Variants in KLHL23 observed in about 807,000 individuals in gnomAD.
KLHL23 encodes kelch-like protein 23.
In KLHL23, 33 loss-of-function variants were observed where a neutral mutation model predicts 48.9. The observed-to-expected ratio is 0.67, with a 90% CI of 0.51 to 0.90. KLHL23 has a LOEUF of 0.90. Ranked by LOEUF, KLHL23 falls within the 40% of genes least tolerant of loss-of-function variation. KLHL23 has a pLI of 0.00. For synonymous variants in KLHL23, 234 were observed against 231.6 expected (o/e 1.01, Z -0.09); for missense variants, 608 against 669.6 (o/e 0.91, Z 1.02).
At position 169,749,913 on chromosome 2, in the gene KLHL23, T is replaced by TTATATATATATATATATATATATA. The variant is rs72113382; in HGVS notation, c.*199_*200insTATATATATATATATATATATATA. On this transcript the variant is annotated 3_prime_UTR_variant, in exon 4 of 4. Coordinates refer to ENST00000392647, the MANE Select transcript of KLHL23 (RefSeq NM_144711.6). The stretch of plus-strand genomic sequence containing the variant: ...TGGTGATTCATGGTCAAGAAAAATC[T>TTATATATATATATATATATATATA]TATATATATATATATATACACACAC... 2.9e-3 allele frequency: 623 copies of TTATATATATATATATATATATATA among 218,496 alleles called. 1 individual carries two copies. Among genetic ancestry groups the TTATATATATATATATATATATATA allele is most frequent in the African/African-American group, 3.5e-3 (80 of 22,782 alleles). 13.5% of individuals were successfully genotyped at this position (218,496 alleles called of 1,614,324 possible). A position where few individuals can be genotyped will look rare whatever the true frequency, so the allele number is the denominator to read the frequency against.
At position 169,735,433 on chromosome 2, in the gene KLHL23, T is replaced by G; in HGVS notation, c.419T>G (p.Ile140Ser). The G allele has an allele frequency of 1.9e-6, 3 of 1,613,956 alleles. No individual in the cohort carries two copies. The highest frequency in any genetic ancestry group is 2.5e-6 in the Non-Finnish European group (3 of 1,180,004). ...LVRHLDIDNC[I>S]GMHSFAEFHV... ...AGGCACTTGGATATTGATAATTGTA[T>G]TGGAATGCACTCCTTTGCAGAATTT... is the stretch of plus-strand genomic sequence containing the variant. Residue 140 changes from isoleucine to serine, a missense_variant, in exon 2 of 4, where the codon ATT becomes AGT. By Grantham distance (142) the Ile-to-Ser change is moderately radical. This residue lies in a region of KLHL23 where 419 missense variants were observed against 473.1 expected (regional missense o/e 0.89). Transcript: ENST00000392647. This position sits in a 1 kb window ranked among gnomAD's most constrained non-coding sequence, Gnocchi z 4.5.
rs939556706 is a variant in KLHL23, at chr2:169,747,541, A to G, written c.1367-1881A>G. Among the ~76,000 whole-genome samples the G allele has an allele frequency of 3.3e-5, 5 of 149,554 alleles. No individual in the cohort carries two copies. In the East Asian group the frequency reaches 5.9e-4, roughly 18 times the overall value. ...AGCCTTGAAGTCCTGGGCTCAAGCA[A>G]TCCTCCAGCCTCAGCCTCCCCAGTA... On this transcript the variant is annotated intron_variant, in intron 3 of 3. Coordinates refer to ENST00000392647, the MANE Select transcript of KLHL23 (RefSeq NM_144711.6).
intron 3 of KLHL23, among the ~76,000 whole-genome samples, chr2:169,744,950 T>G (rs1244170336): frequency 6.0e-5 from 9 of 150,220 alleles, no homozygotes; most frequent in East Asian, 3.9e-4. Context: ...TTTGTTTTTT[T>G]TTTTTTAAAG....
At chr2:169,734,176 G>T in intron 1 of KLHL23, 89 bp downstream of exon 1, 1 of 147,602 alleles carries the variant, frequency 6.8e-6, no homozygotes, top group South Asian at 1.8e-4. Context: ...CGCGGGCAGC[G>T]GGGCCGGGCG....
chr2:169,734,420 A>G (rs1373673508), intron 1 of KLHL23, among the ~76,000 whole-genome samples: 1 of 149,200 alleles, frequency 6.7e-6, no homozygotes, highest in Non-Finnish European at 1.5e-5. Context: ...GCCGGGGCCC[A>G]GGCGCGGGGC....
In KLHL23 at chr2:169,735,854, C is replaced by A. The variant is rs1688501120; in HGVS notation, c.840C>A (p.Gly280=). ...RSTATMYIIG[G]YYWHPLSEVH... The stretch of plus-strand genomic sequence containing the variant: ...CAGCCACAATGTATATAATTGGAGG[C>A]TATTACTGGCATCCTTTATCAGAGG... Residue 280 remains glycine (G), a synonymous_variant, in exon 2 of 4, where the codon GGC becomes GGA. Coordinates refer to ENST00000392647, the MANE Select transcript of KLHL23 (RefSeq NM_144711.6). The surrounding 1 kb of genome is among the most constrained non-coding windows in gnomAD (Gnocchi z 4.5). 1 of 1,614,052 alleles carries A rather than the reference C, an allele frequency of 6.2e-7. No individual in the cohort carries two copies. The highest frequency in any genetic ancestry group is 8.5e-7 in the Non-Finnish European group (1 of 1,180,036).
Position 169,749,381 on chromosome 2 carries a change from T to A in KLHL23, c.1367-41T>A, listed in dbSNP as rs772251353. ...ACTGTGGAATCTCTTTTGTTTGTTA[T>A]CCTTTAAAAAAATGCTGTTTTCTTT... On this transcript the variant is annotated intron_variant, in intron 3 of 3. Transcript: ENST00000392647. The A allele has an allele frequency of 6.0e-6, 9 of 1,507,294 alleles. No homozygotes were observed. In the East Asian group the frequency reaches 2.1e-4, roughly 35 times the overall value. The allele number at this position is 1,507,294 out of a possible 1,614,324, so 93.4% of individuals were successfully genotyped here. A position where few individuals can be genotyped will look rare whatever the true frequency, so the allele number is the denominator to read the frequency against.
chr2:169,735,385 A>C lies in KLHL23; in HGVS notation c.371A>C (p.Lys124Thr). 1 of 1,613,126 alleles carries C rather than the reference A, an allele frequency of 6.2e-7. No homozygotes were observed. Among genetic ancestry groups the C allele is most frequent in the Non-Finnish European group, 8.5e-7 (1 of 1,179,846 alleles). The stretch of plus-strand genomic sequence containing the variant: ...CTGCTACAGTTCCTTTCAGTAAAGA[A>C]GGCTTGTGAGCGGTTTTTGGTAAGG... Reference protein sequence around the residue: ...ADLLQFLSVKKACERFLVRHL... With the variant: ...ADLLQFLSVKTACERFLVRHL... The change falls in exon 2 of 4, where the codon AAG (lysine) becomes ACG (threonine). Residue 124 changes from lysine to threonine, a missense_variant. Transcript: ENST00000392647. The surrounding 1 kb of genome is among the most constrained non-coding windows in gnomAD (Gnocchi z 4.5).
intron 3 of KLHL23, among the ~76,000 whole-genome samples, chr2:169,747,605 A>G (rs1688826147): frequency 6.6e-6 from 1 of 151,908 alleles, no homozygotes; most frequent in African/African-American, 2.4e-5. Context: ...TTCATCTGGA[A>G]ATCGCATTTC....
At position 169,750,035 on chromosome 2, in the gene KLHL23, GTATA is replaced by G. The variant is rs1390931863; in HGVS notation, c.*308_*311del. ...TATACGTATGTATGTATACATATGT[GTATA>G]TATAGTATGTATGTATACATGTATG... On this transcript the variant is annotated 3_prime_UTR_variant, in exon 4 of 4. Coordinates refer to ENST00000392647, the MANE Select transcript of KLHL23 (RefSeq NM_144711.6). 7 of 34,228 alleles carry G rather than the reference GTATA, an allele frequency of 2.0e-4. 1 individual carries two copies. The highest frequency in any genetic ancestry group is 1.4e-3 in the Admixed American group (4 of 2,776). 2.1% of individuals were successfully genotyped at this position (34,228 alleles called of 1,614,324 possible).
intron 3 of KLHL23, among the ~76,000 whole-genome samples, chr2:169,742,357 T>C (rs1242514313): frequency 1.3e-5 from 2 of 152,218 alleles, no homozygotes; most frequent in Non-Finnish European, 2.9e-5. Context: ...GCACTTCATA[T>C]GTGTATTACC....
rs1688944232 is a variant in KLHL23 at position 169,750,294 on chromosome 2, A to T, written c.*562A>T. ...TTGGTAGCATCAACACTGGGGATAAATCAGAACCATTCTGTGGAATGAAAT... is the reference window on the plus strand; with the variant it reads ...TTGGTAGCATCAACACTGGGGATAATTCAGAACCATTCTGTGGAATGAAAT... On this transcript the variant is annotated 3_prime_UTR_variant, in exon 4 of 4. Coordinates refer to ENST00000392647, the MANE Select transcript of KLHL23 (RefSeq NM_144711.6). The T allele has an allele frequency of 6.5e-6, 1 of 153,020 alleles. No homozygotes were observed. The highest frequency in any genetic ancestry group is 2.1e-4 in the South Asian group (1 of 4,832). The allele number at this position is 153,020 out of a possible 1,614,324, so 9.5% of individuals were successfully genotyped here. A position where few individuals can be genotyped will look rare whatever the true frequency, so the allele number is the denominator to read the frequency against.
rs1688507823 is a variant in KLHL23 at position 169,736,114 on chromosome 2, T to G, written c.1100T>G (p.Leu367Trp). Residue 367 changes from leucine to tryptophan, a missense_variant, in exon 2 of 4, where the codon TTG (leucine) becomes TGG (tryptophan). Physicochemically the swap from Leu to Trp is moderately conservative, Grantham distance 61. Coordinates refer to ENST00000392647, the MANE Select transcript of KLHL23 (RefSeq NM_144711.6). ...NARYYHCAVT[L>W]GGCVYALGGY... The stretch of plus-strand genomic sequence containing the variant: ...AGGTATTACCACTGTGCAGTCACCT[T>G]GGGTGGCTGTGTCTATGCTTTAGGT... 1.2e-6 allele frequency: 2 copies of G among 1,614,190 alleles called. No homozygotes were observed. The highest frequency in any genetic ancestry group is 1.7e-6 in the Non-Finnish European group (2 of 1,180,026).
At position 169,750,068 on chromosome 2, in the gene KLHL23, A is replaced by ATATATACGTATGTATACATATATGTG. The variant is rs1688928876; in HGVS notation, c.*351_*352insACATATATGTGTATATACGTATGTAT. 6 of 161,214 alleles carry ATATATACGTATGTATACATATATGTG rather than the reference A, an allele frequency of 3.7e-5. 1 individual carries two copies. Among genetic ancestry groups the ATATATACGTATGTATACATATATGTG allele is most frequent in the African/African-American group, 1.5e-4 (6 of 40,338 alleles). The allele number at this position is 161,214 out of a possible 1,614,324, so 10.0% of individuals were successfully genotyped here. On this transcript the variant is annotated 3_prime_UTR_variant, in exon 4 of 4. Transcript: ENST00000392647. ...AGTATGTATGTATACATGTATGTGTATATATACGTATGTATGTATACATAT... is the reference window on the plus strand; with the variant it reads ...AGTATGTATGTATACATGTATGTGTATATATACGTATGTATACATATATGTGTATATACGTATGTATGTATACATAT...
chr2:169,750,017 A>ACG lies in KLHL23; in HGVS notation c.*285_*286insCG, dbSNP rs1688918807. ...TATACATATATGTGTATATATACGT[A>ACG]TGTATGTATACATATGTGTATATAT... On this transcript the variant is annotated 3_prime_UTR_variant, in exon 4 of 4. Transcript: ENST00000392647. 1 of 40,716 alleles carries ACG rather than the reference A, an allele frequency of 2.5e-5. No individual in the cohort carries two copies. Among genetic ancestry groups the ACG allele is most frequent in the Non-Finnish European group, 4.8e-5 (1 of 20,650 alleles). The allele number at this position is 40,716 out of a possible 1,614,324, so 2.5% of individuals were successfully genotyped here.
chr2:169,743,277 A>T (rs963946685), intron 3 of KLHL23, among the ~76,000 whole-genome samples: 1 of 152,230 alleles, frequency 6.6e-6, no homozygotes, highest in African/African-American at 2.4e-5. Context: ...AGTTTTCCAT[A>T]ACAGATTTCA....
At chr2:169,740,227 C>T (rs1341613221) in intron 2 of KLHL23, among the ~76,000 whole-genome samples, 1 of 152,162 alleles carries the variant, frequency 6.6e-6, no homozygotes, top group Non-Finnish European at 1.5e-5. Context: ...ATCCTCCCAC[C>T]TCAGCCTCCC....
Position 169,735,512 on chromosome 2 carries a change from T to A in KLHL23, c.498T>A (p.Phe166Leu). Residue 166 changes from phenylalanine to leucine, a missense_variant, in exon 2 of 4, where the codon TTT (phenylalanine) becomes TTA (leucine). Phe to Leu is a conservative substitution (Grantham distance 22). Around this residue, in one of 3 missense-constraint regions of KLHL23, gnomAD observed 419 missense variants for 473.1 expected, o/e 0.89. Transcript: ENST00000392647. This position sits in a 1 kb window ranked among gnomAD's most constrained non-coding sequence, Gnocchi z 4.5. ...CTCGAAGAATTCTATGTTCAAAGTT[T>A]AAGGAAGTGTGGCAACAAGAAGAAT... ...KESRRILCSKFKEVWQQEEFL... is the reference protein window; with the variant it reads ...KESRRILCSKLKEVWQQEEFL... 1 of 1,613,996 alleles carries A rather than the reference T, an allele frequency of 6.2e-7. No homozygotes were observed. Among genetic ancestry groups the A allele is most frequent in the Non-Finnish European group, 8.5e-7 (1 of 1,180,024 alleles).
At chr2:169,747,068 C>A (rs6745705) in intron 3 of KLHL23, among the ~76,000 whole-genome samples, 23,958 of 152,020 alleles carry the variant, frequency 0.16, 1,972 homozygotes, top group Non-Finnish European at 0.18. Flanking sequence ...ATGCAATCTT[C>A]TAAGACTTTC....
Sources: gnomAD v4.1 joint callset for allele counts (sites outside exome capture counted in the v4.1 genomes callset) on GRCh38, gnomAD v4.1.1 for gene constraint, gnomAD v4.1.1 regional missense constraint, Gnocchi (gnomAD v3.1) non-coding constraint, MANE v1.5 for transcripts, NCBI Gene and HGNC (gene_info 2026-07-23, HGNC 2026-07-21) for gene names.